Variants in CMTM4 observed in about 807,000 individuals in gnomAD.
CMTM4 encodes CKLF-like MARVEL transmembrane domain-containing protein 4.
A neutral mutation model predicts 19.0 loss-of-function variants in CMTM4; 8 were observed. That is an observed-to-expected ratio of 0.42 (90% CI 0.25 to 0.76). The LOEUF (loss-of-function observed/expected upper bound fraction) is 0.76, where lower values mean the gene tolerates loss of function less well. Among genes scored for constraint, CMTM4 ranks in the 30% least tolerant of loss-of-function variants. The pLI, the probability that CMTM4 is intolerant of heterozygous loss-of-function variation, is 0.27. For synonymous variants in CMTM4, 106 were observed against 121.1 expected, an observed-to-expected ratio of 0.88 and a Z score of 0.82; for missense variants, 228 against 290.2, an observed-to-expected ratio of 0.79 and a Z score of 1.56.
At chr16:66,641,904 G>A (rs1196358709) in intron 1 of CMTM4, among the ~76,000 whole-genome samples, 1 of 151,972 alleles carries the variant, frequency 6.6e-6, no homozygotes, top group Non-Finnish European at 1.5e-5. Context: ...GTTTCCACAG[G>A]TATGTCCACA....
intron 1 of CMTM4, among the ~76,000 whole-genome samples, chr16:66,652,803 T>C (rs2016334471): frequency 6.6e-6 from 1 of 152,230 alleles, no homozygotes; most frequent in African/African-American, 2.4e-5. Flanking sequence ...GGTTTGATGA[T>C]ATAACTGCAC....
chr16:66,630,041 G>A (rs928436864), intron 2 of CMTM4, among the ~76,000 whole-genome samples: 3 of 152,130 alleles, frequency 2.0e-5, no homozygotes, highest in Admixed American at 6.5e-5. Context: ...CCTGAGGGGT[G>A]GTGGAAACCA....
intron 2 of CMTM4, among the ~76,000 whole-genome samples, chr16:66,628,213 C>T (rs1042112017): frequency 6.6e-6 from 1 of 152,216 alleles, no homozygotes; most frequent in Non-Finnish European, 1.5e-5. Context: ...CGAGACATTC[C>T]GTTCCCAGGG....
intron 1 of CMTM4, among the ~76,000 whole-genome samples, chr16:66,643,013 C>A (rs1040711788): frequency 1.3e-5 from 2 of 152,106 alleles, no homozygotes; most frequent in South Asian, 4.1e-4. Flanking sequence ...CTCTGCTTCC[C>A]GGGTTCAAGT....
At chr16:66,677,623 T>C (rs1025133441) in intron 1 of CMTM4, among the ~76,000 whole-genome samples, 2 of 152,114 alleles carry the variant, frequency 1.3e-5, no homozygotes, top group Non-Finnish European at 2.9e-5. Flanking sequence ...GTACTCCTAC[T>C]CCTAATCATT....
At chr16:66,611,611 TGA>T (rs1274448356), downstream of CMTM4, among the ~76,000 whole-genome samples, 1 of 151,972 alleles carries the variant, frequency 6.6e-6, no homozygotes, top group Non-Finnish European at 1.5e-5. Flanking sequence ...ACTGGGGTTC[TGA>T]GAGACAGAGG....
chr16:66,663,876 G>A (rs1265267081), intron 1 of CMTM4, among the ~76,000 whole-genome samples: 1 of 152,068 alleles, frequency 6.6e-6, no homozygotes, highest in Non-Finnish European at 1.5e-5. Flanking sequence ...TCTTAGCTGA[G>A]ACTTTCTGTC....
At chr16:66,650,222 T>A (rs1783621724) in intron 1 of CMTM4, among the ~76,000 whole-genome samples, 1 of 152,090 alleles carries the variant, frequency 6.6e-6, no homozygotes, top group African/African-American at 2.4e-5. Context: ...TGGAGGTGGG[T>A]GGAAGGTTGG....
rs1376138854 is a variant in CMTM4, at chr16:66,622,024, C to G, written c.*34G>C. On this transcript the variant is annotated 3_prime_UTR_variant, in exon 4 of 4. Transcript: ENST00000394106. The surrounding 1 kb of genome is among the most constrained non-coding windows in gnomAD (Gnocchi z 4.0). ...AGAAAACTTGACTGAGAGACAGGCA[C>G]GAGGACGGGAGGGAGGAGGATCCAG... The G allele has an allele frequency of 6.5e-7, 1 of 1,536,134 alleles. No individual in the cohort carries two copies. The highest frequency in any genetic ancestry group is 2.4e-5 in the East Asian group (1 of 40,960).
the CMTM4 span, chr16:66,604,850 C>T: frequency 4.9e-5 from 67 of 1,365,826 alleles, no homozygotes; most frequent in Non-Finnish European, 5.9e-5. Context: ...CCGAGCCTGC[C>T]GGCGGCTCCC....
At position 66,617,756 on chromosome 16, in the gene CMTM4, A is replaced by G; in HGVS notation, c.*4302T>C. ...GGGTGTCAGGCCTGCGTCCTGTCTG[A>G]GATGGCAGCCAAGCCAGCTTCAGAG... On this transcript the variant is annotated 3_prime_UTR_variant, in exon 4 of 4. Coordinates refer to ENST00000394106, the MANE Select transcript of CMTM4 (RefSeq NM_181521.3). The G allele has an allele frequency of 9.9e-7, 1 of 1,007,046 alleles. No homozygotes were observed. The highest frequency in any genetic ancestry group is 1.2e-6 in the Non-Finnish European group (1 of 844,006). 62.4% of individuals were successfully genotyped at this position (1,007,046 alleles called of 1,614,324 possible).
At chr16:66,605,842 G>A in the CMTM4 span, among the ~76,000 whole-genome samples, 5 of 152,146 alleles carry the variant, frequency 3.3e-5, no homozygotes, top group Non-Finnish European at 5.9e-5. The surrounding 1 kb of genome is among the most constrained non-coding windows in gnomAD (Gnocchi z 4.6). Flanking sequence ...GGTCACTCAG[G>A]GCAGAGGGCA....
At chr16:66,630,549 G>A (rs1303789687) in intron 2 of CMTM4, among the ~76,000 whole-genome samples, 2 of 151,918 alleles carry the variant, frequency 1.3e-5, no homozygotes, top group African/African-American at 4.8e-5. Flanking sequence ...TGTGTTGGCC[G>A]GGCTGGTCTC....
chr16:66,635,966 T>C (rs184809289), intron 2 of CMTM4, among the ~76,000 whole-genome samples: 169 of 152,318 alleles, frequency 1.1e-3, no homozygotes, highest in Middle Eastern at 3.4e-3. Flanking sequence ...CCTAGTTGCT[T>C]TGAATTTAAT....
rs1458719722 is a variant in CMTM4 at position 66,696,593 on chromosome 16, GGCCGCCGCATC to G, written c.-79_-69del. 24 of 996,118 alleles carry G rather than the reference GGCCGCCGCATC, an allele frequency of 2.4e-5. No individual in the cohort carries two copies. In the East Asian group the frequency reaches 2.8e-4, roughly 12 times the overall value. The allele number at this position is 996,118 out of a possible 1,614,324, so 61.7% of individuals were successfully genotyped here. Reference sequence around the variant, plus strand: ...CGCCAGGAGCGGGCGGACTCAGCGGGGCCGCCGCATCGCCGCCGCCGCCGCCGCCGCCGCCG... The same window carrying G: ...CGCCAGGAGCGGGCGGACTCAGCGGGGCCGCCGCCGCCGCCGCCGCCGCCG... On this transcript the variant is annotated 5_prime_UTR_variant, in exon 1 of 4. It removes an upstream start codon present in the reference 5' UTR. Transcript: ENST00000394106. This position sits in a 1 kb window ranked among gnomAD's most constrained non-coding sequence, Gnocchi z 4.3.
intron 1 of CMTM4, among the ~76,000 whole-genome samples, chr16:66,658,869 C>T (rs558702024): frequency 6.6e-6 from 1 of 152,146 alleles, no homozygotes; most frequent in South Asian, 2.1e-4. Flanking sequence ...GCCACCGATG[C>T]GGAATTTCAA....
chr16:66,665,965 G>T (rs2016585061), intron 1 of CMTM4, among the ~76,000 whole-genome samples: 1 of 151,902 alleles, frequency 6.6e-6, no homozygotes, highest in African/African-American at 2.4e-5. Context: ...CCAGCTACTT[G>T]GGAGGCTCAG....
At chr16:66,648,862 C>T (rs1035345705) in intron 1 of CMTM4, among the ~76,000 whole-genome samples, 4 of 152,152 alleles carry the variant, frequency 2.6e-5, no homozygotes, top group African/African-American at 9.7e-5. Context: ...ATCCCAGCTA[C>T]TCAGGAAGCT....
Position 66,617,701 on chromosome 16 carries a change from G to A in CMTM4, c.*4357C>T, listed in dbSNP as rs1482671722. The A allele has an allele frequency of 1.4e-5, 15 of 1,045,246 alleles. No individual in the cohort carries two copies. Among genetic ancestry groups the A allele is most frequent in the South Asian group, 1.3e-4 (4 of 31,184 alleles). The allele number at this position is 1,045,246 out of a possible 1,614,324, so 64.7% of individuals were successfully genotyped here. On this transcript the variant is annotated 3_prime_UTR_variant, in exon 4 of 4. Transcript: ENST00000394106. ...GAAGAAACACAAGATTCTACAAAGC[G>A]CCAGGGAAGTTTACAAAGCTAAAAG...
Sources: gnomAD v4.1 joint callset for allele counts (sites outside exome capture counted in the v4.1 genomes callset) on GRCh38, gnomAD v4.1.1 for gene constraint, Gnocchi (gnomAD v3.1) non-coding constraint, MANE v1.5 for transcripts, NCBI Gene and HGNC (gene_info 2026-07-23, HGNC 2026-07-21) for gene names.